Variants in DTNA observed in about 807,000 individuals in gnomAD.
DTNA encodes the protein dystrophin-related protein 3.
DTNA carries 43 observed loss-of-function variants against 100.7 expected under a neutral mutation model. The ratio of observed to expected loss-of-function variants is 0.43; its 90% CI spans 0.33 to 0.55. The LOEUF (loss-of-function observed/expected upper bound fraction) is 0.55, where lower values mean the gene tolerates loss of function less well. DTNA is among the 20% of genes least tolerant of loss of function. DTNA has a pLI of 0.04. For synonymous variants in DTNA, 349 were observed against 347.9 expected (o/e 1.00, Z -0.04); for missense variants, 798 against 953.9 (o/e 0.84, Z 2.15).
At chr18:34,653,193 A>G (rs1416857453) in intron 1 of DTNA, among the ~76,000 whole-genome samples, 2 of 152,140 alleles carry the variant, frequency 1.3e-5, no homozygotes, top group Non-Finnish European at 2.9e-5. Context: ...CTTTTTATTT[A>G]TTCTTATAAT....
intron 7 of DTNA, among the ~76,000 whole-genome samples, chr18:34,817,580 A>G (rs770019261): frequency 7.4e-5 from 11 of 148,830 alleles, no homozygotes; most frequent in Admixed American, 2.0e-4. Context: ...GCCTCAGGAA[A>G]GAAAAAAAAA....
chr18:34,616,176 A>G lies in DTNA; in HGVS notation c.-2+122662A>G, dbSNP rs150504527. On this transcript the variant is annotated intron_variant, in intron 1 of 19. Transcript: ENST00000283365. ...GAGAAGTTGCCAAACTGTTTTCCAC[A>G]TGGCTGAATTAATTTACATTTCCAC... Among the ~76,000 whole-genome samples, 1,268 of 152,286 alleles carry G rather than the reference A, an allele frequency of 8.3e-3. 20 individuals are homozygous for G. Among genetic ancestry groups the G allele is most frequent in the African/African-American group, 0.028 (1,180 of 41,560 alleles).
chr18:34,889,191 A>C lies in DTNA; in HGVS notation c.*1457A>C. 5.1e-6 allele frequency: 5 copies of C among 985,418 alleles called. No homozygotes were observed. The highest frequency in any genetic ancestry group is 6.0e-6 in the Non-Finnish European group (5 of 829,932). The allele number at this position is 985,418 out of a possible 1,614,324, so 61.0% of individuals were successfully genotyped here. Reference sequence around the variant, plus strand: ...ATGCTTAAATTAGCAGTTTCTCTGGAATTCCTGTCTCTCCTTTAAAAGAAA... The same window carrying C: ...ATGCTTAAATTAGCAGTTTCTCTGGCATTCCTGTCTCTCCTTTAAAAGAAA... On this transcript the variant is annotated 3_prime_UTR_variant, in exon 23 of 23. Coordinates refer to ENST00000444659, the MANE Select transcript of DTNA (RefSeq NM_001386795.1).
At chr18:34,629,561 A>T (rs1003906989) in intron 1 of DTNA, among the ~76,000 whole-genome samples, 2 of 152,196 alleles carry the variant, frequency 1.3e-5, no homozygotes, top group Non-Finnish European at 2.9e-5. Context: ...ATAGGATTTC[A>T]TCAGAAAAAC....
chr18:34,511,436 G>A (rs1286215046), intron 1 of DTNA, among the ~76,000 whole-genome samples: 2 of 152,028 alleles, frequency 1.3e-5, no homozygotes, highest in African/African-American at 4.8e-5. Context: ...GCCACCAAAA[G>A]GTAGAGCTGA....
chr18:34,605,488 C>T (rs2052856177), intron 1 of DTNA, among the ~76,000 whole-genome samples: 1 of 152,120 alleles, frequency 6.6e-6, no homozygotes, highest in Admixed American at 6.5e-5. Context: ...GACATTACTC[C>T]AGGCTTTCTG....
chr18:34,518,704 CGTGT>C (rs57035462), intron 1 of DTNA, among the ~76,000 whole-genome samples: 11,360 of 121,474 alleles, frequency 0.094, 536 homozygotes, highest in South Asian at 0.14. Flanking sequence ...ATTTGGCAAA[CGTGT>C]GTGTGTGTGT....
At chr18:34,521,573 A>C (rs1247827060) in intron 1 of DTNA, among the ~76,000 whole-genome samples, 1 of 151,942 alleles carries the variant, frequency 6.6e-6, no homozygotes, top group Non-Finnish European at 1.5e-5. Context: ...CTCCCTCTCT[A>C]GCTTCATCTC....
rs541845974 is a variant in DTNA at position 34,713,356 on chromosome 18, T to C, written c.-2+2911T>C. Among the ~76,000 whole-genome samples the C allele has an allele frequency of 1.3e-5, 2 of 152,294 alleles. 1 individual carries two copies. The highest frequency in any genetic ancestry group is 4.1e-4 in the South Asian group (2 of 4,828). On this transcript the variant is annotated intron_variant, in intron 1 of 22. Coordinates refer to ENST00000444659, the MANE Select transcript of DTNA (RefSeq NM_001386795.1). ...TATAAGTCACTAGGAATAGAGGTGC[T>C]TGGTATGTTATTATCAGACTTTATT... is the stretch of plus-strand genomic sequence containing the variant.
In DTNA at chr18:34,781,161, G is replaced by A. The variant is rs988772897; in HGVS notation, c.149-12876G>A. Among the ~76,000 whole-genome samples the A allele has an allele frequency of 3.3e-5, 5 of 152,186 alleles. No homozygotes were observed. In the South Asian group the frequency reaches 6.2e-4, roughly 19 times the overall value. ...AGGCAGGGCCAAGAGGATTTCCAAA[G>A]GTACACAAGAAGGATCTGAAATATC... On this transcript the variant is annotated intron_variant, in intron 3 of 22. Coordinates refer to ENST00000444659, the MANE Select transcript of DTNA (RefSeq NM_001386795.1).
intron 3 of DTNA, among the ~76,000 whole-genome samples, chr18:34,789,244 C>A (rs568579820): frequency 4.6e-5 from 7 of 152,308 alleles, no homozygotes; most frequent in African/African-American, 1.7e-4. Flanking sequence ...ATACCACCAT[C>A]CCTTACTGGA....
intron 3 of DTNA, among the ~76,000 whole-genome samples, chr18:34,771,641 G>A (rs1283487696): frequency 6.6e-6 from 1 of 152,136 alleles, no homozygotes; most frequent in Admixed American, 6.5e-5. Flanking sequence ...TTCTCTAACA[G>A]AATAAAAGAA....
intron 9 of DTNA, among the ~76,000 whole-genome samples, chr18:34,823,566 A>G (rs1402144356): frequency 6.6e-6 from 1 of 152,252 alleles, no homozygotes; most frequent in Non-Finnish European, 1.5e-5. Flanking sequence ...TGTGTATAGT[A>G]AGACACTTTA....
chr18:34,786,528 A>G (rs1461436205), intron 3 of DTNA, among the ~76,000 whole-genome samples: 1 of 152,110 alleles, frequency 6.6e-6, no homozygotes, highest in East Asian at 1.9e-4. Flanking sequence ...CAAAGAGGGG[A>G]AAACAAGTCA....
intron 1 of DTNA, among the ~76,000 whole-genome samples, chr18:34,551,286 CA>C (rs894613621): frequency 2.0e-4 from 30 of 152,090 alleles, no homozygotes; most frequent in African/African-American, 7.0e-4. Context: ...CATGTGTAGG[CA>C]AAAAACAAGT....
chr18:34,562,987 G>C (rs541488338), intron 1 of DTNA, among the ~76,000 whole-genome samples: 13 of 152,226 alleles, frequency 8.5e-5, no homozygotes, highest in African/African-American at 2.9e-4. Flanking sequence ...ACTTTTGACT[G>C]TGGAGAATTT....
intron 1 of DTNA, among the ~76,000 whole-genome samples, chr18:34,666,836 A>G (rs922280855): frequency 1.6e-4 from 25 of 152,232 alleles, no homozygotes; most frequent in African/African-American, 5.3e-4. Context: ...CTTGTGGTAT[A>G]GTGTGAAGTC....
intron 1 of DTNA, chr18:34,683,663 C>A (rs747844919): frequency 7.2e-5 from 11 of 152,250 alleles, no homozygotes; most frequent in Middle Eastern, 3.4e-3. Flanking sequence ...ATTTCTAAAA[C>A]TCCTTCATCA....
rs886692831 is a variant in DTNA, at chr18:34,555,888, G to A, written c.-2+62374G>A. 1.4e-4 allele frequency among the ~76,000 whole-genome samples: 22 copies of A among 152,120 alleles called. No individual in the cohort carries two copies. In the East Asian group the frequency reaches 3.3e-3, roughly 23 times the overall value. ...GAGTTCTTAGATGTCTATTAGGTCC[G>A]CTTGGTGCAGAGCTGAGTTCAATTC... is the stretch of plus-strand genomic sequence containing the variant. On this transcript the variant is annotated intron_variant, in intron 1 of 19. Coordinates refer to the DTNA transcript ENST00000283365.
Sources: gnomAD v4.1 joint callset for allele counts (sites outside exome capture counted in the v4.1 genomes callset) on GRCh38, gnomAD v4.1.1 for gene constraint, MANE v1.5 for transcripts, NCBI Gene and HGNC (gene_info 2026-07-23, HGNC 2026-07-21) for gene names.